The following FBXL20 variants were observed in gnomAD, a reference collection of about 807,000 sequenced individuals.
FBXL20 encodes the protein F-box and leucine rich repeat protein 20.
A neutral mutation model predicts 64.0 loss-of-function variants in FBXL20; 11 were observed. The observed-to-expected ratio is 0.17, with a 90% confidence interval of 0.11 to 0.28. FBXL20 has a LOEUF of 0.28. FBXL20 is among the 10% of genes least tolerant of loss of function. The probability of loss-of-function intolerance (pLI) is 1.00; values close to 1 mark genes in which losing one functional copy is unlikely to be tolerated. For synonymous variants in FBXL20, 184 were observed against 189.0 expected (o/e 0.97, Z 0.22); for missense variants, 303 against 526.2 (o/e 0.58, Z 4.15).
rs561107628 is a variant in FBXL20 at position 39,396,738 on chromosome 17, G to A, written c.42+4623C>T. On this transcript the variant is annotated intron_variant, in intron 1 of 14. Coordinates refer to ENST00000264658, the MANE Select transcript of FBXL20 (RefSeq NM_032875.3). ...TGGGAGGCTGAGGTGGGCGGATCGC[G>A]AGGTTAGGAGATTGAGACCATCCTG... is the stretch of plus-strand genomic sequence containing the variant. Among the ~76,000 whole-genome samples the A allele has an allele frequency of 1.8e-3, 281 of 151,982 alleles. 1 individual carries two copies. Among genetic ancestry groups the A allele is most frequent in the African/African-American group, 6.0e-3 (250 of 41,458 alleles).
At chr17:39,274,327 C>A (rs2046872312) in intron 10 of FBXL20, among the ~76,000 whole-genome samples, 1 of 152,076 alleles carries the variant, frequency 6.6e-6, no homozygotes, top group Admixed American at 6.6e-5. Flanking sequence ...TCACTTGAGC[C>A]CAGGAGATTG....
At chr17:39,389,662 C>T (rs2048117050) in intron 1 of FBXL20, among the ~76,000 whole-genome samples, 2 of 151,966 alleles carry the variant, frequency 1.3e-5, no homozygotes, top group South Asian at 4.2e-4. Context: ...ACTAAAAATA[C>T]AAAAAATTAG....
At chr17:39,363,883 C>CTTTTTT (rs71147324) in intron 1 of FBXL20, among the ~76,000 whole-genome samples, 2 of 48,670 alleles carry the variant, frequency 4.1e-5, no homozygotes, top group South Asian at 9.9e-4. Flanking sequence ...TGAATCATAT[C>CTTTTTT]TTTTTTTTTT....
chr17:39,286,505 G>A (rs2046989224), intron 6 of FBXL20, among the ~76,000 whole-genome samples: 1 of 152,138 alleles, frequency 6.6e-6, no homozygotes, highest in Non-Finnish European at 1.5e-5. Context: ...GTGAGCCACT[G>A]TGCCTGGCCC....
chr17:39,262,150 C>T (rs974111908), intron 14 of FBXL20, among the ~76,000 whole-genome samples: 5 of 152,152 alleles, frequency 3.3e-5, no homozygotes, highest in African/African-American at 1.2e-4. Context: ...TGCAAGGCCA[C>T]CCCCAGTGCA....
intron 3 of FBXL20, among the ~76,000 whole-genome samples, chr17:39,302,306 A>G (rs2047143402): frequency 6.7e-6 from 1 of 149,764 alleles, no homozygotes; most frequent in Non-Finnish European, 1.5e-5. Flanking sequence ...GACCTCCCCG[A>G]CTCAAGCAAT....
rs545578592 is a variant in FBXL20 at position 39,394,498 on chromosome 17, C to T, written c.42+6863G>A. ...TTCACCGTGTTAGCCAGGATGGTCT[C>T]GATCTCCTGACCTTGTGGTCTGCCC... On this transcript the variant is annotated intron_variant, in intron 1 of 14. Transcript: ENST00000264658. Among the ~76,000 whole-genome samples the T allele has an allele frequency of 1.9e-3, 288 of 151,398 alleles. 2 individuals carry two copies. Among genetic ancestry groups the T allele is most frequent in the African/African-American group, 6.5e-3 (269 of 41,290 alleles).
chr17:39,401,944 G>A, upstream of FBXL20: 2 of 433,762 alleles, frequency 4.6e-6, no homozygotes, highest in Non-Finnish European at 7.6e-6. Flanking sequence ...GAGTGCGCGC[G>A]TGCTCGCGGA....
At chr17:39,371,314 T>A (rs189213075) in intron 1 of FBXL20, among the ~76,000 whole-genome samples, 27 of 152,312 alleles carry the variant, frequency 1.8e-4, no homozygotes, top group Admixed American at 1.6e-3. Context: ...AAATCAAAAC[T>A]TATAGGCATG....
At chr17:39,307,103 A>G (rs1189090012) in intron 2 of FBXL20, among the ~76,000 whole-genome samples, 1 of 152,206 alleles carries the variant, frequency 6.6e-6, no homozygotes, top group East Asian at 1.9e-4. Context: ...ATAATTTTTC[A>G]GCTTGCCTGA....
chr17:39,265,788 C>G lies in FBXL20; in HGVS notation c.934-335G>C, dbSNP rs116622541. Among the ~76,000 whole-genome samples, 611 of 151,316 alleles carry G rather than the reference C, an allele frequency of 4.0e-3. 6 individuals are homozygous for G. The highest frequency in any genetic ancestry group is 0.014 in the African/African-American group (585 of 41,206). On this transcript the variant is annotated intron_variant, in intron 12 of 14. Coordinates refer to ENST00000264658, the MANE Select transcript of FBXL20 (RefSeq NM_032875.3). ...TCCTCCACCTCAACCTCCCAAAGCT[C>G]TACAGGCCACCATGTGCGATCACAG...
intron 1 of FBXL20, among the ~76,000 whole-genome samples, chr17:39,389,735 G>A (rs1215561226): frequency 7.9e-5 from 12 of 152,096 alleles, no homozygotes; most frequent in Non-Finnish European, 7.4e-5. Context: ...GGAGGATGGC[G>A]TGAACCCAGG....
intron 1 of FBXL20, among the ~76,000 whole-genome samples, chr17:39,394,349 T>C (rs1310109050): frequency 1.3e-5 from 2 of 149,660 alleles, no homozygotes; most frequent in Non-Finnish European, 3.0e-5. Context: ...CTCGGCTCAC[T>C]GCAAGCTCCA....
chr17:39,304,851 G>A (rs1297917024), intron 2 of FBXL20, among the ~76,000 whole-genome samples: 2 of 151,988 alleles, frequency 1.3e-5, no homozygotes, highest in African/African-American at 4.8e-5. Flanking sequence ...GCATGATCTC[G>A]GTTCAAGTGG....
chr17:39,350,734 G>T lies in FBXL20; in HGVS notation c.43-7493C>A, dbSNP rs566080608. ...AAGTCTCCTAACTCCAGGTTTGTAAGAAAGAACCAGATTAGTGGTTAAGAA... is the reference window on the plus strand; with the variant it reads ...AAGTCTCCTAACTCCAGGTTTGTAATAAAGAACCAGATTAGTGGTTAAGAA... On this transcript the variant is annotated intron_variant, in intron 1 of 14. Transcript: ENST00000264658. 8.5e-5 allele frequency among the ~76,000 whole-genome samples: 13 copies of T among 152,248 alleles called. No homozygotes were observed. In the South Asian group the frequency reaches 2.7e-3, roughly 32 times the overall value.
intron 2 of FBXL20, among the ~76,000 whole-genome samples, chr17:39,312,724 C>T (rs1027373153): frequency 1.4e-5 from 2 of 143,292 alleles, no homozygotes; most frequent in African/African-American, 5.5e-5. Context: ...CAGGCACCTG[C>T]CACCACGCCT....
intron 5 of FBXL20, among the ~76,000 whole-genome samples, chr17:39,298,474 T>C (rs928907382): frequency 2.6e-5 from 4 of 152,052 alleles, no homozygotes; most frequent in African/African-American, 7.2e-5. Flanking sequence ...ATTCCAGCAC[T>C]TTGGGAGGCT....
At chr17:39,388,557 C>T (rs186186160) in intron 1 of FBXL20, among the ~76,000 whole-genome samples, 242 of 150,400 alleles carry the variant, frequency 1.6e-3, no homozygotes, top group African/African-American at 5.7e-3. Flanking sequence ...AATCTCAGCT[C>T]ATTGCAACCT....
chr17:39,322,919 C>CACCGTGCCTGGCCTATACT (rs1567879708), intron 2 of FBXL20, among the ~76,000 whole-genome samples: 1 of 151,434 alleles, frequency 6.6e-6, no homozygotes. Context: ...ATTCTCCTGC[C>CACCGTGCCTGGCCTATACT]TCAGCCTCTC....
Sources: allele counts gnomAD v4.1 joint callset (sites outside exome capture counted in the v4.1 genomes callset), GRCh38; gene constraint gnomAD v4.1.1; transcripts MANE v1.5; gene names NCBI Gene and HGNC (gene_info 2026-07-23, HGNC 2026-07-21).